The following TSPAN32 variants were observed in gnomAD, a reference collection of about 807,000 sequenced individuals.
The protein encoded by TSPAN32 is tetraspanin 32.
A neutral mutation model predicts 42.7 loss-of-function variants in TSPAN32; 47 were observed. The observed-to-expected ratio is 1.10, with a 90% confidence interval of 0.87 to 1.40. The LOEUF is 1.40. Among genes scored for constraint, TSPAN32 ranks in the 40% most tolerant of loss-of-function variants. The pLI is 0.00. For synonymous variants in TSPAN32, 175 were observed against 175.9 expected, an observed-to-expected ratio of 0.99 and a Z score of 0.04; for missense variants, 469 against 424.1, an observed-to-expected ratio of 1.11 and a Z score of -0.93.
chr11:2,308,096 G>A (rs1296909254), intron 3 of TSPAN32, among the ~76,000 whole-genome samples: 3 of 152,178 alleles, frequency 2.0e-5, no homozygotes, highest in Non-Finnish European at 4.4e-5. Flanking sequence ...ATCTTCTCAG[G>A]GGTGCCCTGC....
rs773348880 is a variant in TSPAN32, at chr11:2,313,603, T to C, written c.355-51T>C. 6.9e-7 allele frequency: 1 copy of C among 1,450,664 alleles called. No individual in the cohort carries two copies. Among genetic ancestry groups the C allele is most frequent in the Non-Finnish European group, 9.5e-7 (1 of 1,057,112 alleles). 89.9% of individuals were successfully genotyped at this position (1,450,664 alleles called of 1,614,324 possible). A position where few individuals can be genotyped will look rare whatever the true frequency, so the allele number is the denominator to read the frequency against. The stretch of plus-strand genomic sequence containing the variant: ...GGGATGTCGTGGGGAGGGGGCTGTG[T>C]CCCCGGATCTCCCACCAGGGCCAGG... On this transcript the variant is annotated intron_variant, in intron 4 of 9. Coordinates refer to ENST00000182290, the MANE Select transcript of TSPAN32 (RefSeq NM_139022.3). This position sits in a 1 kb window ranked among gnomAD's most constrained non-coding sequence, Gnocchi z 9.1.
chr11:2,304,705 C>T lies in TSPAN32; in HGVS notation c.279+501C>T, dbSNP rs1449861724. ...GCTGCACACTCTCCTTCCCAGCTGC[C>T]GGAGGTGTCTCCCCAGCCCCGAGGT... On this transcript the variant is annotated intron_variant, in intron 3 of 9. Transcript: ENST00000182290. This position sits in a 1 kb window ranked among gnomAD's most constrained non-coding sequence, Gnocchi z 4.8. Among the ~76,000 whole-genome samples, 2 of 151,942 alleles carry T rather than the reference C, an allele frequency of 1.3e-5. No homozygotes were observed. The highest frequency in any genetic ancestry group is 4.8e-5 in the African/African-American group (2 of 41,362).
At chr11:2,314,662 C>A in intron 6 of TSPAN32, 91 bp downstream of exon 6, 2 of 1,062,544 alleles carry the variant, frequency 1.9e-6, no homozygotes, top group South Asian at 1.4e-5. Context: ...CATCCTCCCA[C>A]CCCACCCCTT....
In TSPAN32 at chr11:2,313,580, G is replaced by A; in HGVS notation, c.355-74G>A. On this transcript the variant is annotated intron_variant, in intron 4 of 9. Coordinates refer to ENST00000182290, the MANE Select transcript of TSPAN32 (RefSeq NM_139022.3). This position sits in a 1 kb window ranked among gnomAD's most constrained non-coding sequence, Gnocchi z 9.1. ...GCACTAAGGGCCCACTAGCGTTTGG[G>A]ATGTCGTGGGGAGGGGGCTGTGTCC... The A allele has an allele frequency of 8.2e-7, 1 of 1,217,436 alleles. No homozygotes were observed. 75.4% of individuals were successfully genotyped at this position (1,217,436 alleles called of 1,614,324 possible).
At chr11:2,316,940 C>T (rs1409934228) in intron 8 of TSPAN32, among the ~76,000 whole-genome samples, 1 of 152,090 alleles carries the variant, frequency 6.6e-6, no homozygotes, top group Non-Finnish European at 1.5e-5. Flanking sequence ...TGCTTCTGGG[C>T]CTCCAGGTTA....
intron 7 of TSPAN32, 132 bp downstream of exon 7, chr11:2,316,444 A>G: frequency 6.4e-7 from 1 of 1,553,596 alleles, no homozygotes; most frequent in Non-Finnish European, 8.7e-7. Context: ...AACCTCAGGG[A>G]GCTGCTCTGG....
intron 2 of TSPAN32, among the ~76,000 whole-genome samples, chr11:2,303,859 C>T (rs1416560269): frequency 6.6e-6 from 1 of 152,134 alleles, no homozygotes; most frequent in African/African-American, 2.4e-5. Flanking sequence ...ATGTGGCTTC[C>T]AAGATAGCCC....
intron 6 of TSPAN32, chr11:2,315,367 G>A: frequency 8.7e-7 from 1 of 1,148,832 alleles, no homozygotes; most frequent in Non-Finnish European, 1.1e-6. Context: ...TGAGGATGGT[G>A]CTGGGGAGGG....
chr11:2,310,892 C>T (rs950505117), intron 4 of TSPAN32, among the ~76,000 whole-genome samples: 1 of 152,192 alleles, frequency 6.6e-6, no homozygotes, highest in Non-Finnish European at 1.5e-5. Flanking sequence ...GGCGGCTGCA[C>T]ATCCCGTCTC....
rs138170136 is a variant in TSPAN32 at position 2,304,140 on chromosome 11, T to C, written c.215T>C (p.Leu72Pro). The change falls in exon 3 of 10, where the codon CTG becomes CCG. Residue 72 changes from leucine (L) to proline (P), a missense_variant. Physicochemically the swap from Leu to Pro is moderately conservative, Grantham distance 98. Coordinates refer to ENST00000182290, the MANE Select transcript of TSPAN32 (RefSeq NM_139022.3). The surrounding 1 kb of genome is among the most constrained non-coding windows in gnomAD (Gnocchi z 4.8). ...FSAGLSLVGL[L>P]TLGAVLSAAA... ...GCGGGGTTGAGCCTGGTGGGCCTCCTGACTCTGGGAGCCGTGCTGAGCGCT... is the reference window on the plus strand; with the variant it reads ...GCGGGGTTGAGCCTGGTGGGCCTCCCGACTCTGGGAGCCGTGCTGAGCGCT... 10 of 1,588,870 alleles carry C rather than the reference T, an allele frequency of 6.3e-6. No individual in the cohort carries two copies. In the South Asian group the frequency reaches 1.1e-4, roughly 18 times the overall value.
At chr11:2,316,037 C>A in intron 6 of TSPAN32, 192 bp from the exon 7 acceptor site, 1 of 1,534,446 alleles carries the variant, frequency 6.5e-7, no homozygotes, top group South Asian at 1.2e-5. Flanking sequence ...AGCCCTGTCC[C>A]ACTGGGCTTC....
chr11:2,305,377 C>CG (rs1554938633), intron 3 of TSPAN32, among the ~76,000 whole-genome samples: 3 of 143,604 alleles, frequency 2.1e-5, no homozygotes, highest in Non-Finnish European at 3.0e-5. Context: ...TCTGCCCCCC[C>CG]CCCCAGAGGG....
chr11:2,310,898 G>A (rs1004597299), intron 4 of TSPAN32, among the ~76,000 whole-genome samples: 9 of 152,038 alleles, frequency 5.9e-5, no homozygotes, highest in African/African-American at 1.7e-4. Context: ...TGCACATCCC[G>A]TCTCCTGCCC....
intron 3 of TSPAN32, among the ~76,000 whole-genome samples, chr11:2,305,184 C>G (rs1170932468): frequency 2.0e-5 from 3 of 152,258 alleles, no homozygotes; most frequent in East Asian, 1.9e-4. Context: ...CCTCCTGGAG[C>G]TGCTGCCGGG....
intron 1 of TSPAN32, 65 bp downstream of exon 1, chr11:2,302,280 G>T: frequency 7.5e-7 from 1 of 1,325,362 alleles, no homozygotes; most frequent in Non-Finnish European, 9.8e-7. Flanking sequence ...GGGTGGCAGG[G>T]CCTCAGCACA....
chr11:2,305,002 G>T (rs1847994993), intron 3 of TSPAN32, among the ~76,000 whole-genome samples: 1 of 152,188 alleles, frequency 6.6e-6, no homozygotes, highest in South Asian at 2.1e-4. Context: ...CTTGTGCTGG[G>T]GGCTTTGCTT....
chr11:2,316,742 G>A (rs1204455022), intron 8 of TSPAN32, 75 bp downstream of exon 8: 2 of 1,447,268 alleles, frequency 1.4e-6, no homozygotes, highest in Non-Finnish European at 1.8e-6. Context: ...TGCTCTGCCA[G>A]CTGCTAGGAG....
chr11:2,303,570 G>A (rs1301559763), intron 2 of TSPAN32: 1 of 165,826 alleles, frequency 6.0e-6, no homozygotes, highest in Non-Finnish European at 1.3e-5. Flanking sequence ...GGCCCAGGAA[G>A]GCTGCAGCCC....
In TSPAN32 at chr11:2,316,684, G is replaced by A. The variant is rs746085869; in HGVS notation, c.719+17G>A. 1.3e-6 allele frequency: 2 copies of A among 1,518,538 alleles called. No individual in the cohort carries two copies. Among genetic ancestry groups the A allele is most frequent in the Non-Finnish European group, 1.8e-6 (2 of 1,133,394 alleles). 94.1% of individuals were successfully genotyped at this position (1,518,538 alleles called of 1,614,324 possible). A position where few individuals can be genotyped will look rare whatever the true frequency, so the allele number is the denominator to read the frequency against. On this transcript the variant is annotated intron_variant, in intron 8 of 9. Coordinates refer to ENST00000182290, the MANE Select transcript of TSPAN32 (RefSeq NM_139022.3). ...GACCCCACGGTAGGGCCCCCTGCCT[G>A]CCCCCACACCCTCTGGAAGGGTCCT... is the stretch of plus-strand genomic sequence containing the variant.
Sources: allele counts gnomAD v4.1 joint callset (sites outside exome capture counted in the v4.1 genomes callset), GRCh38; gene constraint gnomAD v4.1.1; non-coding constraint Gnocchi (gnomAD v3.1); transcripts MANE v1.5; gene names NCBI Gene and HGNC (gene_info 2026-07-23, HGNC 2026-07-21).